Variants in IGSF11 observed in about 807,000 individuals in gnomAD.
The protein encoded by IGSF11 is CXADR like 1.
In IGSF11, 22 loss-of-function variants were observed where a neutral mutation model predicts 41.0. The ratio of observed to expected loss-of-function variants is 0.54; its 90% confidence interval spans 0.38 to 0.77. IGSF11 has a LOEUF of 0.77. Ranked by LOEUF, IGSF11 falls within the 30% of genes least tolerant of loss-of-function variation. The pLI is 0.00. For synonymous variants in IGSF11, 219 were observed against 201.3 expected, an observed-to-expected ratio of 1.09 and a Z score of -0.74; for missense variants, 444 against 530.8, an observed-to-expected ratio of 0.84 and a Z score of 1.61.
At chr3:119,058,735 C>A (rs867327632) in intron 1 of IGSF11, among the ~76,000 whole-genome samples, 4,302 of 152,074 alleles carry the variant, frequency 0.028, 149 homozygotes, top group African/African-American at 0.098. Flanking sequence ...AAATGTCCAA[C>A]AATGATAGAC....
At chr3:118,924,236 A>G (rs1055709897) in intron 4 of IGSF11, among the ~76,000 whole-genome samples, 2 of 152,160 alleles carry the variant, frequency 1.3e-5, no homozygotes, top group African/African-American at 4.8e-5. Context: ...TACATATAAG[A>G]GAAATTCAAA....
chr3:119,101,486 G>A (rs962908223), intron 1 of IGSF11, among the ~76,000 whole-genome samples: 6 of 152,178 alleles, frequency 3.9e-5, no homozygotes, highest in Admixed American at 3.9e-4. Flanking sequence ...ACTCCAGCCT[G>A]GGCAACAGGA....
intron 1 of IGSF11, among the ~76,000 whole-genome samples, chr3:118,957,865 C>T (rs965625348): frequency 1.3e-5 from 2 of 152,176 alleles, no homozygotes; most frequent in African/African-American, 4.8e-5. Context: ...AACTAGCATT[C>T]CTTTCTTTGC....
chr3:119,047,339 T>G (rs1227185118), intron 1 of IGSF11, among the ~76,000 whole-genome samples: 1 of 151,528 alleles, frequency 6.6e-6, no homozygotes, highest in Non-Finnish European at 1.5e-5. Flanking sequence ...AAGGCAGGAG[T>G]TGCAATCCTA....
rs56263264 is a variant in IGSF11 at position 119,088,164 on chromosome 3, G to T, written c.49+16980C>A. Among the ~76,000 whole-genome samples the T allele has an allele frequency of 6.6e-3, 1,000 of 151,750 alleles. 4 individuals carry two copies. Among genetic ancestry groups the T allele is most frequent in the Middle Eastern group, 0.024 (7 of 294 alleles). On this transcript the variant is annotated intron_variant, in intron 1 of 6. Transcript: ENST00000354673. ...GGAACATATTCTAAGATTGACACAT[G>T]CTCAGTCATAAAGCAAGTCTCAAAA...
chr3:119,145,077 T>C (rs2077702191), intron 1 of IGSF11, among the ~76,000 whole-genome samples: 1 of 152,226 alleles, frequency 6.6e-6, no homozygotes, highest in Non-Finnish European at 1.5e-5. Flanking sequence ...CACTGTTACA[T>C]AAATGACTTT....
intron 1 of IGSF11, among the ~76,000 whole-genome samples, chr3:119,054,791 C>A (rs1215977105): frequency 6.6e-6 from 1 of 152,204 alleles, no homozygotes; most frequent in African/African-American, 2.4e-5. Flanking sequence ...AAATGCCCAT[C>A]AACCAATGAG....
At chr3:118,913,615 C>T (rs1324569734) in intron 4 of IGSF11, among the ~76,000 whole-genome samples, 1 of 151,932 alleles carries the variant, frequency 6.6e-6, no homozygotes, top group African/African-American at 2.4e-5. Context: ...ATGAGAACAA[C>T]AACACTCATA....
chr3:118,910,324 T>C (rs1940114056), intron 4 of IGSF11, among the ~76,000 whole-genome samples: 1 of 152,228 alleles, frequency 6.6e-6, no homozygotes, highest in Non-Finnish European at 1.5e-5. Context: ...ATGGTTACTG[T>C]TGATTCAGTG....
At chr3:118,929,075 G>GCATGATAGA in intron 2 of IGSF11, among the ~76,000 whole-genome samples, 1 of 152,046 alleles carries the variant, frequency 6.6e-6, no homozygotes, top group Non-Finnish European at 1.5e-5. Flanking sequence ...TGCTTATTAG[G>GCATGATAGA]TCACACAATG....
At chr3:119,044,446 A>G (rs375353679) in intron 1 of IGSF11, among the ~76,000 whole-genome samples, 10 of 152,030 alleles carry the variant, frequency 6.6e-5, no homozygotes, top group African/African-American at 2.4e-4. Context: ...AATAATTAGT[A>G]TTCCTGAGGA....
At chr3:119,016,261 T>A (rs903788586) in intron 1 of IGSF11, among the ~76,000 whole-genome samples, 25 of 152,264 alleles carry the variant, frequency 1.6e-4, no homozygotes, top group African/African-American at 6.0e-4. Flanking sequence ...GCTGGGAAGC[T>A]GGGGAAGCCA....
At chr3:119,099,195 A>T (rs2076903715) in intron 1 of IGSF11, among the ~76,000 whole-genome samples, 1 of 152,222 alleles carries the variant, frequency 6.6e-6, no homozygotes, top group South Asian at 2.1e-4. Context: ...GTCTAACCTC[A>T]GTTTTTAATC....
At chr3:119,091,479 A>T (rs1052077067) in intron 1 of IGSF11, among the ~76,000 whole-genome samples, 1 of 152,236 alleles carries the variant, frequency 6.6e-6, no homozygotes, top group African/African-American at 2.4e-5. Flanking sequence ...GGTAGATTGG[A>T]TTAAACAAAT....
intron 1 of IGSF11, among the ~76,000 whole-genome samples, chr3:119,004,428 G>A (rs563445430): frequency 1.2e-4 from 18 of 151,700 alleles, no homozygotes; most frequent in East Asian, 3.9e-4. Flanking sequence ...TGGATTCATT[G>A]ATTTTTTGAA....
intron 1 of IGSF11, among the ~76,000 whole-genome samples, chr3:119,064,221 A>G (rs910730950): frequency 1.3e-5 from 2 of 152,232 alleles, no homozygotes; most frequent in Admixed American, 6.5e-5. Flanking sequence ...TCTGCAGTCC[A>G]TATGGATTTA....
chr3:119,054,162 G>C (rs926006500), intron 1 of IGSF11, among the ~76,000 whole-genome samples: 1 of 152,134 alleles, frequency 6.6e-6, no homozygotes, highest in South Asian at 2.1e-4. Context: ...AAGATAAATA[G>C]ATGGAACTTA....
chr3:119,017,174 C>T (rs1225179264), intron 1 of IGSF11, among the ~76,000 whole-genome samples: 3 of 151,762 alleles, frequency 2.0e-5, no homozygotes, highest in Non-Finnish European at 2.9e-5. Context: ...AGGTGAAATA[C>T]AGTCACGTTT....
upstream of IGSF11, chr3:119,034,935 C>T: frequency 1.3e-6 from 1 of 778,752 alleles, no homozygotes. Context: ...CCGCGCCGCC[C>T]ACTCGCCCCG....
Sources: allele counts gnomAD v4.1 joint callset (sites outside exome capture counted in the v4.1 genomes callset), GRCh38; gene constraint gnomAD v4.1.1; transcripts MANE v1.5; gene names NCBI Gene and HGNC (gene_info 2026-07-23, HGNC 2026-07-21).